Variants in TRPC6 observed in about 807,000 individuals in gnomAD.
The protein encoded by TRPC6 is transient receptor potential cation channel subfamily C member 6.
A neutral mutation model predicts 90.7 loss-of-function variants in TRPC6; 55 were observed. The ratio of observed to expected loss-of-function variants is 0.61; its 90% confidence interval spans 0.49 to 0.76. TRPC6 has a LOEUF of 0.76. Ranked by LOEUF, TRPC6 falls within the 30% of genes least tolerant of loss-of-function variation. The pLI is 0.00. For synonymous variants in TRPC6, 393 were observed against 393.0 expected (o/e 1.00, Z 0.00); for missense variants, 989 against 1,122.7 (o/e 0.88, Z 1.70).
At chr11:101,554,952 C>G (rs771850666) in intron 1 of TRPC6, among the ~76,000 whole-genome samples, 2 of 152,136 alleles carry the variant, frequency 1.3e-5, no homozygotes, top group African/African-American at 2.4e-5. Flanking sequence ...AGTCTTAAAA[C>G]AGGCCACAAA....
chr11:101,484,992 A>G (rs1859642225), intron 4 of TRPC6, among the ~76,000 whole-genome samples: 1 of 152,076 alleles, frequency 6.6e-6, no homozygotes, highest in African/African-American at 2.4e-5. Context: ...AGAATATTCA[A>G]TATCCTGTTT....
At chr11:101,513,702 G>C (rs1052987145) in intron 1 of TRPC6, among the ~76,000 whole-genome samples, 1 of 152,116 alleles carries the variant, frequency 6.6e-6, no homozygotes, top group African/African-American at 2.4e-5. Flanking sequence ...TCAAGTTCAT[G>C]CAGTCCATTA....
intron 1 of TRPC6, among the ~76,000 whole-genome samples, chr11:101,555,414 C>G (rs1257822772): frequency 6.6e-6 from 1 of 152,072 alleles, no homozygotes; most frequent in African/African-American, 2.4e-5. Context: ...AGGAAGGGTC[C>G]TGGGTACTCA....
At position 101,566,317 on chromosome 11, in the gene TRPC6, T is replaced by A. The variant is rs563964173; in HGVS notation, c.170+17017A>T. ...TAAGTTGGATTTCTTCATTTCAGTA[T>A]TTAAGATTTTTTTTCTGGAGATAAT... On this transcript the variant is annotated intron_variant, in intron 1 of 12. Coordinates refer to ENST00000344327, the MANE Select transcript of TRPC6 (RefSeq NM_004621.6). Among the ~76,000 whole-genome samples the A allele has an allele frequency of 3.3e-5, 5 of 152,320 alleles. No homozygotes were observed. In the South Asian group the frequency reaches 1.0e-3, roughly 32 times the overall value.
At chr11:101,507,933 T>A (rs1323931896) in intron 1 of TRPC6, among the ~76,000 whole-genome samples, 1 of 152,144 alleles carries the variant, frequency 6.6e-6, no homozygotes, top group Non-Finnish European at 1.5e-5. Context: ...CATCCTGTAA[T>A]TGTCCTTTAA....
At position 101,452,892 on chromosome 11, in the gene TRPC6, A is replaced by C; in HGVS notation, c.*63T>G. On this transcript the variant is annotated 3_prime_UTR_variant, in exon 13 of 13. Coordinates refer to ENST00000344327, the MANE Select transcript of TRPC6 (RefSeq NM_004621.6). The stretch of plus-strand genomic sequence containing the variant: ...GGGCCCATTGGCACTTAAGAAAATA[A>C]ATCAGAAAATAATATGGCTTCAAGT... 5 of 1,600,716 alleles carry C rather than the reference A, an allele frequency of 3.1e-6. No individual in the cohort carries two copies. Among genetic ancestry groups the C allele is most frequent in the Non-Finnish European group, 3.4e-6 (4 of 1,170,122 alleles).
At chr11:101,504,835 T>A in intron 1 of TRPC6, 37 bp from the exon 2 acceptor site, 1 of 1,606,904 alleles carries the variant, frequency 6.2e-7, no homozygotes, top group Non-Finnish European at 8.5e-7. Flanking sequence ...CAAATCACAT[T>A]AAGAGCATTT....
intron 1 of TRPC6, among the ~76,000 whole-genome samples, chr11:101,561,925 C>G (rs774090654): frequency 6.6e-6 from 1 of 151,252 alleles, no homozygotes; most frequent in African/African-American, 2.4e-5. Flanking sequence ...CATTAAAATG[C>G]TTTTAAAAGT....
intron 1 of TRPC6, among the ~76,000 whole-genome samples, chr11:101,558,089 A>C (rs1328091546): frequency 6.6e-6 from 1 of 151,842 alleles, no homozygotes; most frequent in African/African-American, 2.4e-5. Flanking sequence ...TCATAAGCAA[A>C]AAGAATAAAA....
Position 101,473,650 on chromosome 11 carries a change from A to T in TRPC6, c.1868T>A (p.Leu623Gln). ...GACTGTTCTTCCAAGTGATATCTGC[A>T]GAGGTCCAAAGCTTTCATTTGCTGG... The part of the protein sequence containing the change: ...ILPANESFGP[L>Q]QISLGRTVKD... Residue 623 changes from leucine (L) to glutamine (Q), a missense_variant, in exon 7 of 13, where the codon CTG (leucine) becomes CAG (glutamine). Physicochemically the swap from Leu to Gln is moderately radical, Grantham distance 113. Coordinates refer to ENST00000344327, the MANE Select transcript of TRPC6 (RefSeq NM_004621.6). 6.2e-7 allele frequency: 1 copy of T among 1,613,826 alleles called. No homozygotes were observed. Among genetic ancestry groups the T allele is most frequent in the Non-Finnish European group, 8.5e-7 (1 of 1,179,806 alleles).
intron 1 of TRPC6, among the ~76,000 whole-genome samples, chr11:101,553,431 A>G (rs1012724094): frequency 2.6e-5 from 4 of 152,128 alleles, no homozygotes; most frequent in East Asian, 1.9e-4. Context: ...AGAATAATTG[A>G]GATGAAACCA....
chr11:101,520,842 G>C (rs77982636), intron 1 of TRPC6, among the ~76,000 whole-genome samples: 1,682 of 152,242 alleles, frequency 0.011, 37 homozygotes, highest in African/African-American at 0.038. Flanking sequence ...GACCTTCAGA[G>C]TGATGGATTT....
chr11:101,489,453 A>C (rs185999883), intron 3 of TRPC6, among the ~76,000 whole-genome samples: 1 of 152,234 alleles, frequency 6.6e-6, no homozygotes, highest in East Asian at 1.9e-4. Flanking sequence ...ATATTAACTC[A>C]GTTGCCTAAA....
chr11:101,495,490 A>T (rs1282858411), intron 2 of TRPC6, among the ~76,000 whole-genome samples: 1 of 151,790 alleles, frequency 6.6e-6, no homozygotes, highest in African/African-American at 2.4e-5. Context: ...CTAATGTTTA[A>T]AAAGGGAATA....
intron 1 of TRPC6, among the ~76,000 whole-genome samples, chr11:101,547,800 T>A (rs1314795940): frequency 6.6e-6 from 1 of 152,134 alleles, no homozygotes; most frequent in Admixed American, 6.6e-5. Context: ...TGTATCTTCT[T>A]TGATCCCAGT....
intron 10 of TRPC6, among the ~76,000 whole-genome samples, chr11:101,468,342 T>G (rs1264252544): frequency 6.6e-6 from 1 of 152,144 alleles, no homozygotes; most frequent in African/African-American, 2.4e-5. Flanking sequence ...GACATGCTAG[T>G]GGAAGGGATG....
intron 1 of TRPC6, among the ~76,000 whole-genome samples, chr11:101,540,773 G>T (rs4469857): frequency 0.74 from 112,883 of 152,106 alleles, 42,677 homozygotes; most frequent in East Asian, 0.99. Context: ...AAATCAAAAT[G>T]TTTTGGTTAC....
At chr11:101,567,768 C>T (rs11603969) in intron 1 of TRPC6, among the ~76,000 whole-genome samples, 36,119 of 152,076 alleles carry the variant, frequency 0.24, 5,465 homozygotes, top group Non-Finnish European at 0.34. Context: ...AAACCTGCAG[C>T]GGAGGGGCCT....
intron 1 of TRPC6, among the ~76,000 whole-genome samples, chr11:101,568,934 G>A (rs574901382): frequency 1.3e-5 from 2 of 152,222 alleles, no homozygotes; most frequent in East Asian, 1.9e-4. Context: ...GGCCATCAAC[G>A]CTAAGAAGAA....
Sources: allele counts gnomAD v4.1 joint callset (sites outside exome capture counted in the v4.1 genomes callset), GRCh38; gene constraint gnomAD v4.1.1; transcripts MANE v1.5; gene names NCBI Gene and HGNC (gene_info 2026-07-23, HGNC 2026-07-21).